The following PTPRD variants were observed in gnomAD, a reference collection of about 807,000 sequenced individuals.
The protein encoded by PTPRD is protein tyrosine phosphatase receptor type D, also known as receptor-type tyrosine-protein phosphatase delta.
A neutral mutation model predicts 214.5 loss-of-function variants in PTPRD; 34 were observed. The ratio of observed to expected loss-of-function variants is 0.16; its 90% CI spans 0.12 to 0.21. The LOEUF (loss-of-function observed/expected upper bound fraction) is 0.21, where lower values mean the gene tolerates loss of function less well. Ranked by LOEUF, PTPRD falls within the 10% of genes least tolerant of loss-of-function variation. The pLI, the probability that PTPRD is intolerant of heterozygous loss-of-function variation, is 1.00. For missense variants in PTPRD, 2,545 were observed against 2,398.7 expected, an observed-to-expected ratio of 1.06 and a Z score of -1.27; for synonymous variants, 1,128 against 845.7, an observed-to-expected ratio of 1.33 and a Z score of -5.79.
chr9:10,061,906 T>G (rs1467588903), intron 3 of PTPRD, among the ~76,000 whole-genome samples: 2 of 152,080 alleles, frequency 1.3e-5, no homozygotes, highest in East Asian at 3.9e-4. Context: ...TCGCTAGAAA[T>G]GCAGCAAATT....
At chr9:9,255,786 C>G (rs1266757909) in intron 9 of PTPRD, among the ~76,000 whole-genome samples, 1 of 151,938 alleles carries the variant, frequency 6.6e-6, no homozygotes, top group African/African-American at 2.4e-5. Flanking sequence ...CCACAAGATC[C>G]GGGACTTTTT....
chr9:9,240,439 G>A lies in PTPRD; in HGVS notation c.-202-57076C>T, dbSNP rs535893908. On this transcript the variant is annotated intron_variant, in intron 9 of 45. Transcript: ENST00000381196. ...TATAATCCCAGCACTTTGGGAGGCC[G>A]AGGTGGGCAGATCATGAGGTCAGGA... Among the ~76,000 whole-genome samples the A allele has an allele frequency of 2.0e-4, 31 of 152,254 alleles. No homozygotes were observed. The South Asian group carries it at 5.6e-3, about 27-fold the overall frequency.
At chr9:9,016,633 T>C (rs2099536502) in intron 11 of PTPRD, among the ~76,000 whole-genome samples, 1 of 152,098 alleles carries the variant, frequency 6.6e-6, no homozygotes, top group African/African-American at 2.4e-5. Context: ...GACTAAAGCT[T>C]CTTAAATGGT....
intron 2 of PTPRD, among the ~76,000 whole-genome samples, chr9:10,409,803 G>C (rs1022993696): frequency 2.6e-5 from 4 of 151,686 alleles, no homozygotes; most frequent in Admixed American, 6.6e-5. Context: ...GGCCCATAGA[G>C]ACAGGATCTA....
intron 3 of PTPRD, among the ~76,000 whole-genome samples, chr9:10,164,734 A>G (rs2099148809): frequency 6.6e-6 from 1 of 151,662 alleles, no homozygotes; most frequent in Non-Finnish European, 1.5e-5. Flanking sequence ...TTATTCAAAT[A>G]TATATACACA....
intron 9 of PTPRD, among the ~76,000 whole-genome samples, chr9:9,384,368 T>TTTTTTTTG (rs2063244938): frequency 9.5e-6 from 1 of 104,738 alleles, no homozygotes; most frequent in Non-Finnish European, 2.0e-5. Flanking sequence ...TTTTTTTTTT[T>TTTTTTTTG]TTTTTTTTTT....
At chr9:9,248,796 A>G (rs1594525611) in intron 9 of PTPRD, among the ~76,000 whole-genome samples, 1 of 152,092 alleles carries the variant, frequency 6.6e-6, no homozygotes, top group African/African-American at 2.4e-5. Flanking sequence ...ATCAAAGATC[A>G]CAAACTCAAA....
intron 12 of PTPRD, among the ~76,000 whole-genome samples, chr9:8,685,506 T>C (rs978659943): frequency 2.6e-5 from 4 of 152,204 alleles, no homozygotes; most frequent in Admixed American, 1.3e-4. Flanking sequence ...GGGTGTGATG[T>C]AACTATATCA....
intron 7 of PTPRD, among the ~76,000 whole-genome samples, chr9:9,593,544 A>C (rs2092979303): frequency 1.3e-5 from 2 of 151,998 alleles, no homozygotes; most frequent in East Asian, 3.9e-4. Context: ...AAATGTTAAT[A>C]TGGAGGGAGT....
rs146717819 is a variant in PTPRD, at chr9:10,150,079, T to C, written c.-544-116289A>G. 1.3e-3 allele frequency among the ~76,000 whole-genome samples: 197 copies of C among 152,266 alleles called. 2 individuals are homozygous for C. Among genetic ancestry groups the C allele is most frequent in the South Asian group, 4.6e-3 (22 of 4,830 alleles). On this transcript the variant is annotated intron_variant, in intron 3 of 45. Coordinates refer to ENST00000381196, the MANE Select transcript of PTPRD (RefSeq NM_002839.4). ...ATTGTCAGGAAAAAAGCTACCTATA[T>C]GTTTTAAACCTGCACACTAAATTTT...
chr9:10,367,314 G>A (rs2097534769), intron 2 of PTPRD, among the ~76,000 whole-genome samples: 1 of 152,054 alleles, frequency 6.6e-6, no homozygotes, highest in Non-Finnish European at 1.5e-5. Context: ...TTTACCTTAA[G>A]AAACCCTCTT....
At chr9:9,221,784 CA>C (rs1356637866) in intron 9 of PTPRD, among the ~76,000 whole-genome samples, 14 of 152,000 alleles carry the variant, frequency 9.2e-5, no homozygotes, top group African/African-American at 3.4e-4. Flanking sequence ...AACCTGTTAG[CA>C]ATCTGTCACG....
Position 8,633,444 on chromosome 9 carries a change from G to C in PTPRD, c.225C>G (p.Asp75Glu), listed in dbSNP as rs373420151. The part of the protein sequence containing the change: ...SNQRFEVIEF[D>E]DGSGSVLRIQ... ...TTCTGAGAACTGATCCAGACCCATCGTCAAACTCTATTACCTATTAGAGGA... is the reference window on the plus strand; with the variant it reads ...TTCTGAGAACTGATCCAGACCCATCCTCAAACTCTATTACCTATTAGAGGA... Residue 75 changes from aspartate (D) to glutamate (E), a missense_variant, in exon 14 of 46, where the codon GAC (aspartate) becomes GAG (glutamate). By Grantham distance (45) the Asp-to-Glu change is conservative. Transcript: ENST00000381196. 1.2e-6 allele frequency: 2 copies of C among 1,612,060 alleles called. No homozygotes were observed. Among genetic ancestry groups the C allele is most frequent in the African/African-American group, 1.3e-5 (1 of 74,836 alleles).
At chr9:9,843,768 T>A (rs934539945) in intron 5 of PTPRD, among the ~76,000 whole-genome samples, 1 of 151,988 alleles carries the variant, frequency 6.6e-6, no homozygotes, top group African/African-American at 2.4e-5. Context: ...AATTGCTGAT[T>A]AAATAATATT....
rs564712300 is a variant in PTPRD at position 9,363,805 on chromosome 9, T to C, written c.-203+33644A>G. Among the ~76,000 whole-genome samples, 8 of 151,518 alleles carry C rather than the reference T, an allele frequency of 5.3e-5. No homozygotes were observed. The South Asian group carries it at 1.2e-3, about 24-fold the overall frequency. On this transcript the variant is annotated intron_variant, in intron 9 of 45. Transcript: ENST00000381196. The stretch of plus-strand genomic sequence containing the variant: ...CGATATATTTTTTTCATCAAATACA[T>C]TTGACAACTGAGGGAACTAAGGTCC...
At chr9:8,370,952 A>G (rs1012437052) in intron 39 of PTPRD, among the ~76,000 whole-genome samples, 8 of 152,110 alleles carry the variant, frequency 5.3e-5, no homozygotes. Flanking sequence ...TACCACGGGA[A>G]GCGAAAAGCA....
chr9:8,451,133 C>G (rs976935990), intron 33 of PTPRD, among the ~76,000 whole-genome samples: 4 of 152,138 alleles, frequency 2.6e-5, no homozygotes, highest in African/African-American at 9.7e-5. Flanking sequence ...TAAAACTAAC[C>G]AGGGGGTGAA....
chr9:8,391,470 G>C (rs2089532820), intron 36 of PTPRD, among the ~76,000 whole-genome samples: 1 of 152,126 alleles, frequency 6.6e-6, no homozygotes, highest in South Asian at 2.1e-4. Flanking sequence ...CCCAACACCA[G>C]ATTACTGTAG....
chr9:8,986,470 TTTC>T (rs573131781), intron 11 of PTPRD, among the ~76,000 whole-genome samples: 116 of 151,874 alleles, frequency 7.6e-4, no homozygotes, highest in Non-Finnish European at 1.3e-3. Flanking sequence ...GTCATATTTT[TTTC>T]TTATTTTATA....
Sources: gnomAD v4.1 joint callset for allele counts (sites outside exome capture counted in the v4.1 genomes callset) on GRCh38, gnomAD v4.1.1 for gene constraint, MANE v1.5 for transcripts, NCBI Gene and HGNC (gene_info 2026-07-23, HGNC 2026-07-21) for gene names.